The following PKNOX2 variants were observed in gnomAD, a reference collection of about 807,000 sequenced individuals.
The protein encoded by PKNOX2 is PBX/knotted 1 homeobox 2.
A neutral mutation model predicts 53.1 loss-of-function variants in PKNOX2; 14 were observed. The observed-to-expected ratio is 0.26, with a 90% CI of 0.17 to 0.41. PKNOX2 has a LOEUF of 0.41. Among genes scored for constraint, PKNOX2 ranks in the 10% least tolerant of loss-of-function variants. PKNOX2 has a pLI of 1.00. For missense variants in PKNOX2, 496 were observed against 602.8 expected, an observed-to-expected ratio of 0.82 and a Z score of 1.85; for synonymous variants, 257 against 242.8, an observed-to-expected ratio of 1.06 and a Z score of -0.54.
chr11:125,308,567 C>T (rs1474377372), intron 2 of PKNOX2, among the ~76,000 whole-genome samples: 2 of 152,322 alleles, frequency 1.3e-5, no homozygotes, highest in Middle Eastern at 3.4e-3. Flanking sequence ...GAGATGGCGA[C>T]CTCCACAATG....
chr11:125,239,426 G>C (rs1023046011), intron 2 of PKNOX2, among the ~76,000 whole-genome samples: 2 of 152,182 alleles, frequency 1.3e-5, no homozygotes, highest in Admixed American at 6.5e-5. Context: ...AGCCAGCCCA[G>C]CCTGGCCTGA....
chr11:125,190,561 G>A (rs1471369001), intron 1 of PKNOX2, among the ~76,000 whole-genome samples: 3 of 152,150 alleles, frequency 2.0e-5, no homozygotes, highest in Non-Finnish European at 2.9e-5. Context: ...AAACCCTTTA[G>A]AGCCCAGCTT....
chr11:125,187,425 G>T (rs12787355), intron 1 of PKNOX2, among the ~76,000 whole-genome samples: 22,315 of 151,854 alleles, frequency 0.15, 1,752 homozygotes, highest in African/African-American at 0.2. Flanking sequence ...CATCTCCTTG[G>T]TTAAATTTAT....
At chr11:125,294,825 C>T (rs938443148) in intron 2 of PKNOX2, among the ~76,000 whole-genome samples, 8 of 152,210 alleles carry the variant, frequency 5.3e-5, no homozygotes, top group African/African-American at 1.9e-4. Context: ...GCACAAACTA[C>T]ATGCCAACAA....
intron 2 of PKNOX2, among the ~76,000 whole-genome samples, chr11:125,278,265 C>A (rs1474691141): frequency 6.6e-6 from 1 of 151,806 alleles, no homozygotes; most frequent in African/African-American, 2.4e-5. Flanking sequence ...GAATACACAC[C>A]CATCTCCCAC....
intron 4 of PKNOX2, among the ~76,000 whole-genome samples, chr11:125,366,840 C>T (rs953849442): frequency 3.3e-5 from 5 of 152,220 alleles, no homozygotes; most frequent in African/African-American, 1.2e-4. Flanking sequence ...TATTCACTCA[C>T]TCATTTTCTC....
Position 125,417,812 on chromosome 11 carries a change from C to A in PKNOX2, c.936+5947C>A, listed in dbSNP as rs145551353. Reference sequence around the variant, plus strand: ...GCTGCCTTTGATGTCTCCCCCACCCCACTCATCACATTCAGAAGCCTGGCC... The same window carrying A: ...GCTGCCTTTGATGTCTCCCCCACCCAACTCATCACATTCAGAAGCCTGGCC... On this transcript the variant is annotated intron_variant, in intron 10 of 12. Coordinates refer to ENST00000298282, the MANE Select transcript of PKNOX2 (RefSeq NM_001382323.2). Among the ~76,000 whole-genome samples, 702 of 152,092 alleles carry A rather than the reference C, an allele frequency of 4.6e-3. 23 individuals are homozygous for A. The highest frequency in any genetic ancestry group is 0.015 in the African/African-American group (636 of 41,342).
intron 3 of PKNOX2, among the ~76,000 whole-genome samples, chr11:125,337,540 G>T (rs1202219302): frequency 6.6e-6 from 1 of 152,194 alleles, no homozygotes; most frequent in Admixed American, 6.5e-5. Flanking sequence ...TTGCAATGAG[G>T]ATCCATGGGA....
chr11:125,184,923 C>T (rs1250230551), intron 1 of PKNOX2, among the ~76,000 whole-genome samples: 1 of 152,192 alleles, frequency 6.6e-6, no homozygotes, highest in East Asian at 1.9e-4. Flanking sequence ...GATGGGTAGG[C>T]AACGTCCAGG....
chr11:125,324,117 C>T (rs755600129), intron 2 of PKNOX2, among the ~76,000 whole-genome samples: 2 of 152,028 alleles, frequency 1.3e-5, no homozygotes, highest in African/African-American at 2.4e-5. Context: ...AAGAAGAATT[C>T]TTCTTGTTTA....
chr11:125,175,563 G>A (rs1472865023), intron 1 of PKNOX2, among the ~76,000 whole-genome samples: 2 of 152,236 alleles, frequency 1.3e-5, no homozygotes, highest in Non-Finnish European at 2.9e-5. Context: ...TGAGCCCTGT[G>A]CTGGGGGCTG....
At position 125,165,011 on chromosome 11, in the gene PKNOX2, C is replaced by T. The variant is rs1170595923; in HGVS notation, c.-201+235C>T. On this transcript the variant is annotated intron_variant, in intron 1 of 12. Transcript: ENST00000298282. The surrounding 1 kb of genome is among the most constrained non-coding windows in gnomAD (Gnocchi z 4.5). ...GGAGGCAGGGAGCAGCGAGGGACGG[C>T]GGGAGCGTGCAGAGAGAAGCTGGGG... 1.3e-5 allele frequency among the ~76,000 whole-genome samples: 2 copies of T among 151,548 alleles called. No individual in the cohort carries two copies. The highest frequency in any genetic ancestry group is 3.9e-4 in the East Asian group (2 of 5,108).
chr11:125,382,959 G>C (rs115154281), intron 5 of PKNOX2, among the ~76,000 whole-genome samples: 4 of 152,136 alleles, frequency 2.6e-5, no homozygotes. Flanking sequence ...ACTGCACACC[G>C]AGTCTGCAGC....
At chr11:125,390,426 C>A (rs536675421) in intron 6 of PKNOX2, among the ~76,000 whole-genome samples, 134 of 152,314 alleles carry the variant, frequency 8.8e-4, no homozygotes, top group African/African-American at 3.1e-3. Flanking sequence ...TCTTGTTTCT[C>A]ATTTTCTTCT....
intron 6 of PKNOX2, among the ~76,000 whole-genome samples, chr11:125,386,032 G>C (rs536508222): frequency 6.6e-6 from 1 of 152,340 alleles, no homozygotes; most frequent in South Asian, 2.1e-4. Flanking sequence ...CAGAACATCT[G>C]GGGTAGCTGT....
Position 125,273,331 on chromosome 11 carries a change from G to A in PKNOX2, c.-130+38216G>A, listed in dbSNP as rs544943874. On this transcript the variant is annotated intron_variant, in intron 2 of 12. Transcript: ENST00000298282. ...TGAGCAAACAGCTGAAAAGGCAGGCGGCAAAACAAGAAAAGGGGAGAATGC... is the reference window on the plus strand; with the variant it reads ...TGAGCAAACAGCTGAAAAGGCAGGCAGCAAAACAAGAAAAGGGGAGAATGC... Among the ~76,000 whole-genome samples the A allele has an allele frequency of 3.9e-5, 6 of 152,318 alleles. No homozygotes were observed. In the East Asian group the frequency reaches 9.6e-4, roughly 24 times the overall value.
chr11:125,366,971 C>A (rs1368518634), intron 4 of PKNOX2, among the ~76,000 whole-genome samples: 1 of 152,142 alleles, frequency 6.6e-6, no homozygotes, highest in Non-Finnish European at 1.5e-5. Flanking sequence ...AGCCCAACAC[C>A]ACATGTGGGG....
At chr11:125,299,353 C>G (rs1015717283) in intron 2 of PKNOX2, among the ~76,000 whole-genome samples, 7 of 152,084 alleles carry the variant, frequency 4.6e-5, no homozygotes, top group African/African-American at 1.7e-4. Context: ...CACTCTAAAC[C>G]CAGCTGTAGT....
At chr11:125,375,459 G>C (rs1274870456) in intron 5 of PKNOX2, among the ~76,000 whole-genome samples, 1 of 152,234 alleles carries the variant, frequency 6.6e-6, no homozygotes, top group East Asian at 1.9e-4. Flanking sequence ...GTACATGGGA[G>C]AGAGGGGAGA....
Sources: allele counts gnomAD v4.1 joint callset (sites outside exome capture counted in the v4.1 genomes callset), GRCh38; gene constraint gnomAD v4.1.1; non-coding constraint Gnocchi (gnomAD v3.1); transcripts MANE v1.5; gene names NCBI Gene and HGNC (gene_info 2026-07-23, HGNC 2026-07-21).